CMTM7: variants seen among roughly 807,000 people sequenced by gnomAD.
CMTM7 encodes CKLF like MARVEL transmembrane domain containing 7, also known as CKLF-like MARVEL transmembrane domain-containing protein 7.
CMTM7 carries 7 observed loss-of-function variants against 19.3 expected under a neutral mutation model. The ratio of observed to expected loss-of-function variants is 0.36; its 90% confidence interval spans 0.21 to 0.68. The LOEUF (loss-of-function observed/expected upper bound fraction) is 0.68. Ranked by LOEUF, CMTM7 falls within the 30% of genes least tolerant of loss-of-function variation. CMTM7 has a pLI of 0.60. For synonymous variants in CMTM7, 87 were observed against 99.3 expected (o/e 0.88, Z 0.74); for missense variants, 193 against 232.6 (o/e 0.83, Z 1.11).
At position 32,449,288 on chromosome 3, in the gene CMTM7, T is replaced by C. The variant is rs987277849; in HGVS notation, c.334-166T>C. Among the ~76,000 whole-genome samples the C allele has an allele frequency of 1.3e-5, 2 of 152,216 alleles. No homozygotes were observed. The highest frequency in any genetic ancestry group is 2.9e-5 in the Non-Finnish European group (2 of 68,026). On this transcript the variant is annotated intron_variant, in intron 2 of 4. Coordinates refer to ENST00000334983, the MANE Select transcript of CMTM7 (RefSeq NM_138410.4). The surrounding 1 kb of genome is among the most constrained non-coding windows in gnomAD (Gnocchi z 4.5). ...TTGGCCTCTTCCTGGTCAGCCCGCA[T>C]GTTGGCTGCCTGCGAGCGGCTCTGC...
rs182425602 is a variant in CMTM7, at chr3:32,446,178, G to A, written c.334-3276G>A. Among the ~76,000 whole-genome samples the A allele has an allele frequency of 1.0e-3, 153 of 152,098 alleles. 1 individual carries two copies. The highest frequency in any genetic ancestry group is 3.4e-3 in the African/African-American group (140 of 41,486). The stretch of plus-strand genomic sequence containing the variant: ...GGGTAATTTTTTTTATTGTTAATTC[G>A]AACTCTAATTTTACCATCTTTTCAG... On this transcript the variant is annotated intron_variant, in intron 2 of 4. Transcript: ENST00000334983.
intron 1 of CMTM7, among the ~76,000 whole-genome samples, chr3:32,418,176 C>A (rs1696294690): frequency 6.6e-6 from 1 of 152,186 alleles, no homozygotes; most frequent in Non-Finnish European, 1.5e-5. Flanking sequence ...AACATCTTTT[C>A]ATGTGCTTAT....
At chr3:32,419,884 C>G (rs1696319471) in intron 1 of CMTM7, among the ~76,000 whole-genome samples, 1 of 152,140 alleles carries the variant, frequency 6.6e-6, no homozygotes, top group South Asian at 2.1e-4. Context: ...TATTCATGGT[C>G]TAGTGTGGGT....
chr3:32,400,669 G>T (rs935973418), intron 1 of CMTM7, among the ~76,000 whole-genome samples: 1 of 152,140 alleles, frequency 6.6e-6, no homozygotes, highest in Non-Finnish European at 1.5e-5. Context: ...GGGATTACAG[G>T]TGTGACCCAC....
chr3:32,408,766 A>G (rs894405155), intron 1 of CMTM7, among the ~76,000 whole-genome samples: 16 of 152,188 alleles, frequency 1.1e-4, no homozygotes, highest in African/African-American at 3.6e-4. Context: ...GCCCAAAAAC[A>G]TATGTATTAA....
rs562679432 is a variant in CMTM7, at chr3:32,418,416, C to G, written c.160-23424C>G. Among the ~76,000 whole-genome samples the G allele has an allele frequency of 5.9e-5, 9 of 152,238 alleles. No homozygotes were observed. The South Asian group carries it at 1.9e-3, about 32-fold the overall frequency. ...GGGCAAAAGTTAACTCTGATAAAGT[C>G]TAATTTATCAGTTTTTTTTCCTTAT... On this transcript the variant is annotated intron_variant, in intron 1 of 4. Transcript: ENST00000334983.
chr3:32,454,194 G>A (rs1451468441), intron 4 of CMTM7, 47 bp from the exon 5 acceptor site: 2 of 1,558,030 alleles, frequency 1.3e-6, no homozygotes, highest in Non-Finnish European at 1.7e-6. Flanking sequence ...GCTTGTGGGT[G>A]GGCCACATCC....
At chr3:32,414,708 A>G (rs567243291) in intron 1 of CMTM7, among the ~76,000 whole-genome samples, 3 of 152,340 alleles carry the variant, frequency 2.0e-5, no homozygotes, top group African/African-American at 7.2e-5. Flanking sequence ...GAGCCTGCCA[A>G]TTCTTTACGA....
intron 1 of CMTM7, among the ~76,000 whole-genome samples, chr3:32,428,040 G>T (rs188013586): frequency 2.2e-3 from 339 of 152,354 alleles, no homozygotes; most frequent in Admixed American, 3.9e-3. Flanking sequence ...CACAAGGAAG[G>T]TCTGAGGCCC....
chr3:32,455,506 G>A lies in CMTM7; in HGVS notation c.*1252G>A, dbSNP rs563838243. 4.6e-5 allele frequency: 7 copies of A among 152,468 alleles called. No homozygotes were observed. The East Asian group carries it at 1.2e-3, about 25-fold the overall frequency. 9.4% of individuals were successfully genotyped at this position (152,468 alleles called of 1,614,324 possible). On this transcript the variant is annotated 3_prime_UTR_variant, in exon 5 of 5. Transcript: ENST00000334983. Reference sequence around the variant, plus strand: ...TGGCTGCTGGCCAGCTCGGGGCATCGGGTTCTGTCTGGGATGATCTAAGGA... The same window carrying A: ...TGGCTGCTGGCCAGCTCGGGGCATCAGGTTCTGTCTGGGATGATCTAAGGA...
At chr3:32,444,978 A>AT (rs1213183255) in intron 2 of CMTM7, among the ~76,000 whole-genome samples, 2 of 152,074 alleles carry the variant, frequency 1.3e-5, no homozygotes, top group East Asian at 3.8e-4. Flanking sequence ...TTTTAAATCA[A>AT]TTTTTTTCTT....
At chr3:32,405,898 ATTG>A (rs1380007209) in intron 1 of CMTM7, among the ~76,000 whole-genome samples, 3 of 152,232 alleles carry the variant, frequency 2.0e-5, no homozygotes, top group African/African-American at 7.2e-5. Context: ...ATGGTTGTAC[ATTG>A]TTAAGTTGTA....
intron 1 of CMTM7, among the ~76,000 whole-genome samples, chr3:32,412,539 A>ACT (rs2125625959): frequency 1.1e-5 from 1 of 94,348 alleles, no homozygotes; most frequent in Non-Finnish European, 2.3e-5. Flanking sequence ...ACACACACAC[A>ACT]CTGCATCATT....
At chr3:32,429,694 A>G (rs1385448136) in intron 1 of CMTM7, among the ~76,000 whole-genome samples, 1 of 142,380 alleles carries the variant, frequency 7.0e-6, no homozygotes, top group African/African-American at 2.7e-5. Context: ...TCTGTCTCCC[A>G]GGTTGACGCC....
intron 1 of CMTM7, among the ~76,000 whole-genome samples, chr3:32,418,053 C>T (rs1696293074): frequency 6.6e-6 from 1 of 152,168 alleles, no homozygotes; most frequent in African/African-American, 2.4e-5. Flanking sequence ...AACTCCTGGG[C>T]TTAAGAGCTC....
chr3:32,439,855 G>C (rs1414330477), intron 1 of CMTM7, among the ~76,000 whole-genome samples: 2 of 152,160 alleles, frequency 1.3e-5, no homozygotes, highest in Non-Finnish European at 2.9e-5. Context: ...CCACATTTGG[G>C]GCTGGAGATG....
At chr3:32,435,942 A>C (rs1696590814) in intron 1 of CMTM7, among the ~76,000 whole-genome samples, 1 of 152,202 alleles carries the variant, frequency 6.6e-6, no homozygotes, top group Admixed American at 6.5e-5. Flanking sequence ...CCCTCCCCAG[A>C]GGCAAGTGCT....
intron 1 of CMTM7, among the ~76,000 whole-genome samples, chr3:32,403,492 C>T (rs1012908048): frequency 6.6e-5 from 10 of 152,248 alleles, no homozygotes; most frequent in Non-Finnish European, 7.4e-5. Context: ...GGATTGCAGG[C>T]ATGAGCCATG....
At chr3:32,452,589 T>G in intron 4 of CMTM7, 116 bp downstream of exon 4, 1 of 1,055,456 alleles carries the variant, frequency 9.5e-7, no homozygotes. Flanking sequence ...CCAAGGGGAC[T>G]TTAGAAGTAG....
Sources: allele counts gnomAD v4.1 joint callset (sites outside exome capture counted in the v4.1 genomes callset), GRCh38; gene constraint gnomAD v4.1.1; non-coding constraint Gnocchi (gnomAD v3.1); transcripts MANE v1.5; gene names NCBI Gene and HGNC (gene_info 2026-07-23, HGNC 2026-07-21).